The following ADAMTS17 variants were observed in gnomAD, a reference collection of about 807,000 sequenced individuals.
The protein encoded by ADAMTS17 is A disintegrin and metalloproteinase with thrombospondin motifs 17.
ADAMTS17 carries 113 observed loss-of-function variants against 141.5 expected under a neutral mutation model. That is an observed-to-expected ratio of 0.80 (90% CI 0.69 to 0.93). ADAMTS17 has a LOEUF of 0.93. ADAMTS17 is among the 40% of genes least tolerant of loss of function. The pLI is 0.00. For synonymous variants in ADAMTS17, 768 were observed against 630.6 expected (o/e 1.22, Z -3.27); for missense variants, 1,659 against 1,517.9 (o/e 1.09, Z -1.54).
chr15:99,991,018 A>G (rs2060679998), intron 20 of ADAMTS17, among the ~76,000 whole-genome samples: 1 of 152,176 alleles, frequency 6.6e-6, no homozygotes, highest in Non-Finnish European at 1.5e-5. Flanking sequence ...ACAAAAATTA[A>G]CTCAAGATGG....
intron 7 of ADAMTS17, among the ~76,000 whole-genome samples, chr15:100,212,469 A>G (rs775596306): frequency 1.3e-5 from 2 of 152,232 alleles, no homozygotes; most frequent in Non-Finnish European, 2.9e-5. Context: ...GCAAAAGCTA[A>G]TATGCATGTG....
intron 8 of ADAMTS17, among the ~76,000 whole-genome samples, chr15:100,178,655 C>T (rs767990112): frequency 2.0e-5 from 3 of 151,586 alleles, no homozygotes; most frequent in Non-Finnish European, 4.4e-5. Flanking sequence ...GTTCTTTTAC[C>T]CATTCTGTTT....
chr15:100,136,807 T>G (rs926021819), intron 10 of ADAMTS17, among the ~76,000 whole-genome samples: 1 of 152,090 alleles, frequency 6.6e-6, no homozygotes, highest in Non-Finnish European at 1.5e-5. Flanking sequence ...CAAGAAAAAA[T>G]GGCGCAAAAT....
chr15:100,209,754 T>C (rs1023078670), intron 7 of ADAMTS17, among the ~76,000 whole-genome samples: 2 of 152,120 alleles, frequency 1.3e-5, no homozygotes, highest in African/African-American at 4.8e-5. Flanking sequence ...ATCGCCAGCG[T>C]GGCAGAAAGT....
chr15:100,053,468 G>C (rs764777023), intron 16 of ADAMTS17, among the ~76,000 whole-genome samples: 2 of 152,182 alleles, frequency 1.3e-5, no homozygotes, highest in Non-Finnish European at 2.9e-5. Flanking sequence ...TTCGGACCTG[G>C]AGTCATAGTT....
At chr15:100,024,828 C>T (rs749315865) in intron 18 of ADAMTS17, among the ~76,000 whole-genome samples, 15 of 152,166 alleles carry the variant, frequency 9.9e-5, no homozygotes, top group African/African-American at 1.4e-4. Flanking sequence ...TGTTCCCTGC[C>T]GGTCAATGTT....
In ADAMTS17 at chr15:100,048,971, G is replaced by A. The variant is rs532333138; in HGVS notation, c.2477C>T (p.Ser826Leu). The A allele has an allele frequency of 6.8e-6, 11 of 1,614,180 alleles. No individual in the cohort carries two copies. Among genetic ancestry groups the A allele is most frequent in the Admixed American group, 5.0e-5 (3 of 60,024 alleles). Reference sequence around the variant, plus strand: ...GGTCTTGTTGACAATCCGTGTACACGAGACGATGGTTCTGCGCTCCCCTGG... The same window carrying A: ...GGTCTTGTTGACAATCCGTGTACACAAGACGATGGTTCTGCGCTCCCCTGG... ...CGGGERRTIV[S>L]CTRIVNKTTT... Residue 826 changes from serine (S) to leucine (L), a missense_variant, in exon 18 of 22, where the codon TCG (serine) becomes TTG (leucine). Transcript: ENST00000268070.
chr15:100,163,482 T>C (rs2039822130), intron 8 of ADAMTS17, among the ~76,000 whole-genome samples: 1 of 152,162 alleles, frequency 6.6e-6, no homozygotes, highest in South Asian at 2.1e-4. Context: ...ATTTGAAATC[T>C]AAATTTTATA....
At chr15:100,126,979 T>G (rs1050125760) in intron 12 of ADAMTS17, among the ~76,000 whole-genome samples, 1 of 152,134 alleles carries the variant, frequency 6.6e-6, no homozygotes, top group Non-Finnish European at 1.5e-5. Context: ...CAGCACCCCA[T>G]TTGAAGCAGG....
intron 7 of ADAMTS17, among the ~76,000 whole-genome samples, chr15:100,221,542 G>C (rs1199572006): frequency 6.6e-6 from 1 of 152,116 alleles, no homozygotes; most frequent in African/African-American, 2.4e-5. Context: ...TGAGATAACG[G>C]AAGTTCTAAT....
At position 100,210,827 on chromosome 15, in the gene ADAMTS17, C is replaced by T. The variant is rs569933758; in HGVS notation, c.1076-11404G>A. Reference sequence around the variant, plus strand: ...ACTAAAAATACAAAAATTGGCCGGGCGCGGTGGCTCACGCCTGTAATCCCA... The same window carrying T: ...ACTAAAAATACAAAAATTGGCCGGGTGCGGTGGCTCACGCCTGTAATCCCA... On this transcript the variant is annotated intron_variant, in intron 7 of 21. Transcript: ENST00000268070. Among the ~76,000 whole-genome samples the T allele has an allele frequency of 1.1e-4, 16 of 152,178 alleles. No individual in the cohort carries two copies. The East Asian group carries it at 3.1e-3, about 29-fold the overall frequency.
chr15:100,173,874 C>T (rs1236072634), intron 8 of ADAMTS17, among the ~76,000 whole-genome samples: 1 of 152,190 alleles, frequency 6.6e-6, no homozygotes, highest in Non-Finnish European at 1.5e-5. Flanking sequence ...TTTACAGGGA[C>T]TCCCAGGTGA....
At chr15:100,123,950 C>T (rs939258578) in intron 12 of ADAMTS17, among the ~76,000 whole-genome samples, 2 of 151,026 alleles carry the variant, frequency 1.3e-5, no homozygotes, top group Admixed American at 6.6e-5. Context: ...TCAATCGTTT[C>T]TAGTTTTTCT....
intron 15 of ADAMTS17, among the ~76,000 whole-genome samples, chr15:100,091,629 C>T (rs2035476868): frequency 6.6e-6 from 1 of 152,192 alleles, no homozygotes; most frequent in Non-Finnish European, 1.5e-5. Context: ...AGTAGACTTG[C>T]TGTGAGATGT....
chr15:100,109,060 C>G lies in ADAMTS17; in HGVS notation c.1945G>C (p.Ala649Pro). Residue 649 changes from alanine (A) to proline (P), a missense_variant, in exon 14 of 22, where the codon GCC becomes CCC. By Grantham distance (27) the Ala-to-Pro change is conservative. Transcript: ENST00000268070. ...GGTGTACCGTCCAGGACCCTGTCGG[C>G]CACCAGCAGTGGGGACTCCTTCCCG... ...PLGKESPLLV[A>P]DRVLDGTPCG... is the part of the protein sequence containing the mutation. 6.2e-7 allele frequency: 1 copy of G among 1,614,062 alleles called. No homozygotes were observed. Among genetic ancestry groups the G allele is most frequent in the Non-Finnish European group, 8.5e-7 (1 of 1,180,028 alleles).
chr15:100,245,930 G>T (rs1194281686), intron 7 of ADAMTS17, among the ~76,000 whole-genome samples: 1 of 152,078 alleles, frequency 6.6e-6, no homozygotes, highest in Admixed American at 6.5e-5. Flanking sequence ...TTGTGTGTAG[G>T]TAAGACACAT....
chr15:100,003,657 T>A (rs2060975092), intron 18 of ADAMTS17, among the ~76,000 whole-genome samples: 1 of 152,110 alleles, frequency 6.6e-6, no homozygotes, highest in African/African-American at 2.4e-5. Flanking sequence ...AAAGGATGAA[T>A]AAAGTGTAGT....
At chr15:100,196,049 GTT>G (rs1254319096) in intron 8 of ADAMTS17, among the ~76,000 whole-genome samples, 2 of 152,162 alleles carry the variant, frequency 1.3e-5, no homozygotes, top group South Asian at 4.1e-4. Context: ...CATAGTAGGT[GTT>G]CAATAAACAA....
intron 2 of ADAMTS17, 26 bp downstream of exon 2, chr15:100,341,013 C>T (rs1187856752): frequency 2.0e-6 from 3 of 1,524,522 alleles, no homozygotes; most frequent in Non-Finnish European, 2.6e-6. Flanking sequence ...CCGGACGGGC[C>T]GACCCGGAGG....
Sources: gnomAD v4.1 joint callset for allele counts (sites outside exome capture counted in the v4.1 genomes callset) on GRCh38, gnomAD v4.1.1 for gene constraint, MANE v1.5 for transcripts, NCBI Gene and HGNC (gene_info 2026-07-23, HGNC 2026-07-21) for gene names.